The following TMC1 variants were observed in gnomAD, a reference collection of about 807,000 sequenced individuals.
TMC1 encodes the protein transmembrane channel like 1, also known as transmembrane channel-like protein 1.
A neutral mutation model predicts 105.8 loss-of-function variants in TMC1; 84 were observed. The ratio of observed to expected loss-of-function variants is 0.79; its 90% CI spans 0.67 to 0.95. The LOEUF (loss-of-function observed/expected upper bound fraction) is 0.95. Ranked by LOEUF, TMC1 falls within the 40% of genes least tolerant of loss-of-function variation. The pLI is 0.00. For missense variants in TMC1, 817 were observed against 914.1 expected (o/e 0.89, Z 1.37); for synonymous variants, 315 against 311.5 (o/e 1.01, Z -0.12).
chr9:72,816,840 G>A (rs1209728719), intron 19 of TMC1, among the ~76,000 whole-genome samples: 1 of 152,132 alleles, frequency 6.6e-6, no homozygotes, highest in African/African-American at 2.4e-5. Flanking sequence ...GTTAAGATGA[G>A]TCGATACAGT....
At chr9:72,692,440 G>A (rs1287794234) in intron 6 of TMC1, among the ~76,000 whole-genome samples, 2 of 152,106 alleles carry the variant, frequency 1.3e-5, no homozygotes, top group African/African-American at 4.8e-5. Context: ...ACTAGTTTCC[G>A]AATTTCTCAC....
intron 2 of TMC1, among the ~76,000 whole-genome samples, chr9:72,579,157 C>T (rs909340654): frequency 3.9e-5 from 6 of 152,192 alleles, no homozygotes; most frequent in Admixed American, 3.9e-4. Context: ...GCTTATTTAA[C>T]TTTTTAAAGG....
At chr9:72,542,064 C>G (rs1823687578) in intron 1 of TMC1, among the ~76,000 whole-genome samples, 2 of 152,208 alleles carry the variant, frequency 1.3e-5, no homozygotes, top group Admixed American at 6.5e-5. Context: ...TGGTTCACAT[C>G]TGTAATCCCA....
intron 17 of TMC1, among the ~76,000 whole-genome samples, chr9:72,802,227 C>CTACATACATACATACATACATACATATA (rs1175137295): frequency 6.7e-6 from 1 of 149,296 alleles, no homozygotes; most frequent in Non-Finnish European, 1.5e-5. Flanking sequence ...ACCCCTGTCT[C>CTACATACATACATACATACATACATATA]TACATACATA....
At chr9:72,559,277 G>T (rs758445072) in intron 1 of TMC1, among the ~76,000 whole-genome samples, 3 of 151,974 alleles carry the variant, frequency 2.0e-5, no homozygotes, top group Non-Finnish European at 4.4e-5. Context: ...TGTATTTTTA[G>T]TACAGATGGG....
chr9:72,624,694 T>A (rs76765443), intron 3 of TMC1, among the ~76,000 whole-genome samples: 2 of 152,310 alleles, frequency 1.3e-5, no homozygotes, highest in East Asian at 3.9e-4. Context: ...AGCTGTTTCC[T>A]CCACTACTGA....
chr9:72,617,202 C>T (rs987226390), intron 3 of TMC1, among the ~76,000 whole-genome samples: 20 of 152,110 alleles, frequency 1.3e-4, no homozygotes, highest in African/African-American at 3.6e-4. Context: ...TGCTCTGTTG[C>T]GCAGGCTGGA....
At chr9:72,594,791 G>A (rs554417162) in intron 2 of TMC1, among the ~76,000 whole-genome samples, 3 of 151,864 alleles carry the variant, frequency 2.0e-5, no homozygotes, top group Non-Finnish European at 2.9e-5. Context: ...GCTACAATTC[G>A]AAAAGGAGAG....
chr9:72,634,157 G>T (rs542908526), intron 4 of TMC1, among the ~76,000 whole-genome samples: 6 of 152,088 alleles, frequency 3.9e-5, no homozygotes, highest in African/African-American at 1.2e-4. Context: ...AACTGTCTTC[G>T]CATGCTGAGT....
At chr9:72,665,070 CTGCAA>C (rs1347792425) in intron 5 of TMC1, among the ~76,000 whole-genome samples, 2 of 152,208 alleles carry the variant, frequency 1.3e-5, no homozygotes, top group Non-Finnish European at 2.9e-5. Flanking sequence ...TTCCACATGT[CTGCAA>C]GGGGTATCAG....
At chr9:72,633,852 G>A (rs1825489320) in intron 4 of TMC1, among the ~76,000 whole-genome samples, 1 of 152,080 alleles carries the variant, frequency 6.6e-6, no homozygotes, top group Non-Finnish European at 1.5e-5. Context: ...CATCTACATG[G>A]AAACAACATC....
intron 2 of TMC1, among the ~76,000 whole-genome samples, chr9:72,598,097 A>G (rs1824747993): frequency 6.6e-6 from 1 of 152,224 alleles, no homozygotes; most frequent in Non-Finnish European, 1.5e-5. Context: ...GAAACAAAAC[A>G]AAACACAAAA....
In TMC1 at chr9:72,735,418, A is replaced by G. The variant is rs551719355; in HGVS notation, c.363-4701A>G. ...GAGTAGGAGAATGGATTAGCTGTAG[A>G]AAATCATACATGTAAAGATGTTTTC... On this transcript the variant is annotated intron_variant, in intron 8 of 23. Coordinates refer to ENST00000297784, the MANE Select transcript of TMC1 (RefSeq NM_138691.3). Among the ~76,000 whole-genome samples the G allele has an allele frequency of 4.7e-4, 72 of 152,386 alleles. No individual in the cohort carries two copies. In the South Asian group the frequency reaches 0.013, roughly 28 times the overall value.
intron 3 of TMC1, among the ~76,000 whole-genome samples, chr9:72,617,995 A>ATAGGAGC: frequency 7.1e-6 from 1 of 141,548 alleles, no homozygotes; most frequent in Non-Finnish European, 1.5e-5. Context: ...GAAGACAAGG[A>ATAGGAGC]TAGGAGCGAG....
chr9:72,536,380 TGGA>T (rs1232651190), intron 1 of TMC1, among the ~76,000 whole-genome samples: 10 of 152,190 alleles, frequency 6.6e-5, no homozygotes, highest in Non-Finnish European at 4.4e-5. Context: ...TCACCCAGGC[TGGA>T]GTGCAGTGGT....
chr9:72,621,721 C>T (rs960718001), intron 3 of TMC1, among the ~76,000 whole-genome samples: 2 of 152,066 alleles, frequency 1.3e-5, no homozygotes, highest in African/African-American at 2.4e-5. Context: ...AATCACCCTC[C>T]GAGAATCATG....
chr9:72,817,597 A>G (rs978147723), intron 19 of TMC1, among the ~76,000 whole-genome samples: 1 of 152,160 alleles, frequency 6.6e-6, no homozygotes, highest in Non-Finnish European at 1.5e-5. Context: ...TTCAGGCCTC[A>G]TGGGTACCAT....
At chr9:72,760,065 T>C (rs200886768) in intron 12 of TMC1, among the ~76,000 whole-genome samples, 1 of 152,184 alleles carries the variant, frequency 6.6e-6, no homozygotes, top group Non-Finnish European at 1.5e-5. Context: ...TGTTTTTTTT[T>C]CCTAAATTCT....
chr9:72,768,014 G>T (rs1432199581), intron 12 of TMC1, among the ~76,000 whole-genome samples: 1 of 152,148 alleles, frequency 6.6e-6, no homozygotes, highest in African/African-American at 2.4e-5. Context: ...AGATGGATTG[G>T]ATAAAGCCTT....
Sources: gnomAD v4.1 joint callset for allele counts (sites outside exome capture counted in the v4.1 genomes callset) on GRCh38, gnomAD v4.1.1 for gene constraint, MANE v1.5 for transcripts, NCBI Gene and HGNC (gene_info 2026-07-23, HGNC 2026-07-21) for gene names.